The following MCM9 variants were observed in gnomAD, a reference collection of about 807,000 sequenced individuals.
MCM9 encodes minichromosome maintenance 9 homologous recombination repair factor.
Under a neutral mutation model 72.8 loss-of-function variants are expected in MCM9, and 55 were observed. The ratio of observed to expected loss-of-function variants is 0.76; its 90% CI spans 0.61 to 0.95. The LOEUF is 0.95. MCM9 is among the 40% of genes least tolerant of loss of function. The pLI, the probability that MCM9 is intolerant of heterozygous loss-of-function variation, is 0.00. For missense variants in MCM9, 1,279 were observed against 1,377.0 expected (o/e 0.93, Z 1.13); for synonymous variants, 480 against 503.4 (o/e 0.95, Z 0.62).
chr6:118,905,907 A>G (rs1780147768), intron 8 of MCM9: 1 of 1,098,330 alleles, frequency 9.1e-7, no homozygotes, highest in Non-Finnish European at 1.3e-6. Flanking sequence ...TTCATAGTAT[A>G]CTATTAAAAT....
At chr6:118,894,444 G>C in intron 8 of MCM9, 1 of 1,537,154 alleles carries the variant, frequency 6.5e-7, no homozygotes, top group South Asian at 1.2e-5. Flanking sequence ...CAATGTAGTG[G>C]TGCTGGATAA....
chr6:118,896,500 G>C lies in MCM9; in HGVS notation c.1150+15150C>G, dbSNP rs144657644. ...ATAGATGAAACCAGCCATTCATAAA[G>C]CCAAAACGTTCCATTTTTAACTGGG... On this transcript the variant is annotated intron_variant, in intron 8 of 13. Coordinates refer to ENST00000619706, the MANE Select transcript of MCM9 (RefSeq NM_017696.3). 1.8e-3 allele frequency among the ~76,000 whole-genome samples: 280 copies of C among 152,252 alleles called. 3 individuals are homozygous for C. Among genetic ancestry groups the C allele is most frequent in the African/African-American group, 6.4e-3 (267 of 41,540 alleles).
intron 8 of MCM9, among the ~76,000 whole-genome samples, chr6:118,866,321 C>T (rs1352546461): frequency 2.0e-5 from 3 of 152,042 alleles, no homozygotes; most frequent in African/African-American, 7.2e-5. Flanking sequence ...AATGAAGAAA[C>T]AAGGAAATAC....
At chr6:118,880,374 T>A (rs1283288153) in intron 8 of MCM9, among the ~76,000 whole-genome samples, 1 of 152,126 alleles carries the variant, frequency 6.6e-6, no homozygotes, top group Admixed American at 6.5e-5. Context: ...TCAAAGTAAG[T>A]CAAAGTAGAA....
At chr6:118,908,457 AATAG>A (rs1158287995) in intron 8 of MCM9, 4 of 152,152 alleles carry the variant, frequency 2.6e-5, no homozygotes, top group South Asian at 4.1e-4. Context: ...AAATTCTTTT[AATAG>A]ATCATGTTAT....
intron 9 of MCM9, 136 bp downstream of exon 9, chr6:118,856,235 T>C (rs1282939384): frequency 4.0e-6 from 3 of 744,722 alleles, no homozygotes; most frequent in Middle Eastern, 7.2e-4. Flanking sequence ...AAAACTCTAA[T>C]GTGTGTCTTG....
chr6:118,862,921 A>C (rs1776992752), intron 8 of MCM9, among the ~76,000 whole-genome samples: 1 of 152,174 alleles, frequency 6.6e-6, no homozygotes, highest in African/African-American at 2.4e-5. Context: ...TAAAAGAGAA[A>C]TAAAGACTTT....
At chr6:118,821,040 T>C (rs1444476788) in intron 13 of MCM9, among the ~76,000 whole-genome samples, 1 of 152,192 alleles carries the variant, frequency 6.6e-6, no homozygotes, top group Non-Finnish European at 1.5e-5. Context: ...ATGGGTCTCC[T>C]GAATACAGCA....
intron 8 of MCM9, among the ~76,000 whole-genome samples, chr6:118,895,364 C>A (rs1436929243): frequency 6.6e-6 from 1 of 152,184 alleles, no homozygotes; most frequent in Admixed American, 6.5e-5. Flanking sequence ...AGAAATAGAG[C>A]TGAGGTAGGA....
At chr6:118,876,822 GA>G (rs1777958405) in intron 8 of MCM9, among the ~76,000 whole-genome samples, 1 of 152,088 alleles carries the variant, frequency 6.6e-6, no homozygotes, top group African/African-American at 2.4e-5. Context: ...AAACCTCACT[GA>G]AAAACTGAGC....
chr6:118,900,938 A>G (rs1489279571), intron 8 of MCM9: 1 of 1,188,872 alleles, frequency 8.4e-7, no homozygotes, highest in Non-Finnish European at 1.3e-6. Flanking sequence ...AGACTATATT[A>G]TCTATTATCT....
Position 118,816,183 on chromosome 6 carries a change from T to G in MCM9, c.2073A>C (p.Ser691=). 1 of 1,550,528 alleles carries G rather than the reference T, an allele frequency of 6.4e-7. No homozygotes were observed. The highest frequency in any genetic ancestry group is 8.7e-7 in the Non-Finnish European group (1 of 1,146,952). Residue 691 remains serine (S), a synonymous_variant, in exon 14 of 14, where the codon TCA becomes TCC. Coordinates refer to ENST00000619706, the MANE Select transcript of MCM9 (RefSeq NM_017696.3). ...PGEESNFRTS[S]QQEINYSTHI... Reference sequence around the variant, plus strand: ...GTGTGCTATAGTTGATTTCCTGCTGTGATGAAGTTCTGAAGTTTGATTCTT... The same window carrying G: ...GTGTGCTATAGTTGATTTCCTGCTGGGATGAAGTTCTGAAGTTTGATTCTT...
chr6:118,823,226 C>T (rs1216448157), intron 13 of MCM9, among the ~76,000 whole-genome samples: 1 of 152,134 alleles, frequency 6.6e-6, no homozygotes, highest in African/African-American at 2.4e-5. Flanking sequence ...AAACCCAGGG[C>T]CCTGGTGGTG....
At chr6:118,850,335 TAC>T (rs1238582031) in intron 9 of MCM9, among the ~76,000 whole-genome samples, 5 of 151,968 alleles carry the variant, frequency 3.3e-5, no homozygotes, top group African/African-American at 1.2e-4. Context: ...CATTCAGAAA[TAC>T]AGAGAATCCT....
chr6:118,882,940 A>G (rs150849405), intron 8 of MCM9, among the ~76,000 whole-genome samples: 151,835 of 152,238 alleles, frequency 1, 75,719 homozygotes, highest in Middle Eastern at 1. Context: ...GATGTGCAAA[A>G]AAACAGGAAA....
At position 118,878,277 on chromosome 6, in the gene MCM9, G is replaced by T. The variant is rs147690982; in HGVS notation, c.1151-21732C>A. ...TAGTCTACAATTTAATTAATGTAAA[G>T]TTAAAAAAAAGCAAAAACAAATTAA... On this transcript the variant is annotated intron_variant, in intron 8 of 13. Transcript: ENST00000619706. Among the ~76,000 whole-genome samples, 1,145 of 151,988 alleles carry T rather than the reference G, an allele frequency of 7.5e-3. 8 individuals are homozygous for T. The highest frequency in any genetic ancestry group is 0.029 in the South Asian group (138 of 4,818).
chr6:118,895,934 CTT>C (rs990966691), intron 8 of MCM9, among the ~76,000 whole-genome samples: 3 of 151,798 alleles, frequency 2.0e-5, no homozygotes, highest in African/African-American at 7.3e-5. Flanking sequence ...TTGTAATAAA[CTT>C]TTAGAAAGTT....
chr6:118,833,010 T>C (rs1199479018), intron 9 of MCM9, among the ~76,000 whole-genome samples: 1 of 152,202 alleles, frequency 6.6e-6, no homozygotes, highest in African/African-American at 2.4e-5. Flanking sequence ...CATAAACCAC[T>C]TTTAGGTCTG....
intron 9 of MCM9, among the ~76,000 whole-genome samples, chr6:118,832,673 G>A (rs143758573): frequency 0.015 from 2,220 of 152,288 alleles, 20 homozygotes; most frequent in Non-Finnish European, 0.022. Context: ...AAACACAGTA[G>A]TAACTGTTCT....
Sources: allele counts gnomAD v4.1 joint callset (sites outside exome capture counted in the v4.1 genomes callset), GRCh38; gene constraint gnomAD v4.1.1; transcripts MANE v1.5; gene names NCBI Gene and HGNC (gene_info 2026-07-23, HGNC 2026-07-21).